Variants in ENOX1 observed in about 807,000 individuals in gnomAD.
ENOX1 encodes the protein ecto-NOX disulfide-thiol exchanger 1.
ENOX1 carries 42 observed loss-of-function variants against 82.5 expected under a neutral mutation model. The observed-to-expected ratio is 0.51, with a 90% CI of 0.40 to 0.66. ENOX1 has a LOEUF of 0.66. Among genes scored for constraint, ENOX1 ranks in the 30% least tolerant of loss-of-function variants. ENOX1 has a pLI of 0.00. For missense variants in ENOX1, 608 were observed against 811.6 expected, an observed-to-expected ratio of 0.75 and a Z score of 3.05; for synonymous variants, 271 against 282.2, an observed-to-expected ratio of 0.96 and a Z score of 0.40.
At chr13:43,616,800 T>C (rs763513342) in intron 2 of ENOX1, among the ~76,000 whole-genome samples, 6 of 152,120 alleles carry the variant, frequency 3.9e-5, no homozygotes, top group Non-Finnish European at 8.8e-5. Flanking sequence ...GGTGGGGAGG[T>C]ACTAGAGGAA....
intron 2 of ENOX1, among the ~76,000 whole-genome samples, chr13:43,508,874 T>C (rs181421467): frequency 8.5e-5 from 13 of 152,128 alleles, no homozygotes; most frequent in African/African-American, 2.4e-4. Flanking sequence ...TCCAGGACTA[T>C]AGTTTTTCAT....
chr13:43,253,699 G>A (rs146639065), intron 14 of ENOX1, among the ~76,000 whole-genome samples: 5 of 152,296 alleles, frequency 3.3e-5, no homozygotes, highest in Admixed American at 2.6e-4. Flanking sequence ...CTAAGAGGAA[G>A]GGGAGTTCAC....
intron 1 of ENOX1, among the ~76,000 whole-genome samples, chr13:43,685,889 C>A (rs892460296): frequency 6.6e-6 from 1 of 151,464 alleles, no homozygotes; most frequent in Non-Finnish European, 1.5e-5. Flanking sequence ...CACACACACA[C>A]ACACACACAC....
intron 1 of ENOX1, among the ~76,000 whole-genome samples, chr13:43,687,756 A>C (rs900639377): frequency 9.9e-5 from 15 of 152,118 alleles, no homozygotes; most frequent in Non-Finnish European, 1.9e-4. Flanking sequence ...CAGTGGGAGA[A>C]AGAGAGATAA....
intron 2 of ENOX1, among the ~76,000 whole-genome samples, chr13:43,503,065 A>G (rs2077037906): frequency 1.3e-5 from 2 of 151,658 alleles, no homozygotes; most frequent in South Asian, 2.1e-4. Flanking sequence ...CTGTTTCTAT[A>G]CATAAACAAT....
chr13:43,256,313 C>T (rs771532021), intron 14 of ENOX1, among the ~76,000 whole-genome samples: 2 of 152,066 alleles, frequency 1.3e-5, no homozygotes, highest in Non-Finnish European at 2.9e-5. Context: ...GGAATTACAT[C>T]AAGCTAAAAA....
chr13:43,652,488 C>G (rs937131605), intron 2 of ENOX1, among the ~76,000 whole-genome samples: 2 of 152,146 alleles, frequency 1.3e-5, no homozygotes, highest in African/African-American at 4.8e-5. Context: ...TGCTCTGGAC[C>G]ACTTAAAGAG....
At chr13:43,674,867 TC>T (rs2085434392) in intron 1 of ENOX1, among the ~76,000 whole-genome samples, 1 of 152,120 alleles carries the variant, frequency 6.6e-6, no homozygotes, top group African/African-American at 2.4e-5. Context: ...CTCTGTACAT[TC>T]CACTGAATTT....
At chr13:43,425,077 C>A (rs2055209937) in intron 3 of ENOX1, among the ~76,000 whole-genome samples, 1 of 152,064 alleles carries the variant, frequency 6.6e-6, no homozygotes, top group Admixed American at 6.5e-5. Context: ...AGGCTAGAGG[C>A]AGATTAGGGG....
At chr13:43,219,973 G>C (rs932913538) in intron 16 of ENOX1, among the ~76,000 whole-genome samples, 1 of 152,202 alleles carries the variant, frequency 6.6e-6, no homozygotes, top group Non-Finnish European at 1.5e-5. Context: ...TTTAAATCTT[G>C]TTCATTCTTC....
intron 1 of ENOX1, among the ~76,000 whole-genome samples, chr13:43,678,583 A>G (rs1238902518): frequency 6.6e-6 from 1 of 152,184 alleles, no homozygotes; most frequent in Non-Finnish European, 1.5e-5. Context: ...CCAGTCCTGG[A>G]CTTTAGAATT....
At chr13:43,333,963 T>A (rs17064399) in intron 9 of ENOX1, among the ~76,000 whole-genome samples, 36,132 of 152,234 alleles carry the variant, frequency 0.24, 5,181 homozygotes, top group African/African-American at 0.4. Context: ...CTTACTGGGC[T>A]AGGCACTATG....
chr13:43,261,965 T>C (rs1449368048), intron 14 of ENOX1, among the ~76,000 whole-genome samples: 1 of 151,578 alleles, frequency 6.6e-6, no homozygotes, highest in Non-Finnish European at 1.5e-5. Context: ...AATGTGCACA[T>C]GTACCCTAAA....
At chr13:43,284,771 G>GGTGTGT (rs72187459) in intron 12 of ENOX1, among the ~76,000 whole-genome samples, 58 of 143,776 alleles carry the variant, frequency 4.0e-4, no homozygotes, top group African/African-American at 1.1e-3. Flanking sequence ...ATTTGTTAAA[G>GGTGTGT]GTGTGTGTGT....
chr13:43,581,843 G>C (rs1219712301), intron 2 of ENOX1, among the ~76,000 whole-genome samples: 3 of 151,924 alleles, frequency 2.0e-5, no homozygotes, highest in African/African-American at 7.3e-5. Flanking sequence ...ATTAATAGCA[G>C]GAATTATTTA....
In ENOX1 at chr13:43,228,726, G is replaced by A. The variant is rs552025555; in HGVS notation, c.1715-4588C>T. 9.2e-5 allele frequency among the ~76,000 whole-genome samples: 14 copies of A among 152,344 alleles called. No individual in the cohort carries two copies. In the South Asian group the frequency reaches 2.9e-3, roughly 32 times the overall value. Reference sequence around the variant, plus strand: ...TTGAAACACTTAGCAGCCAGGAGGTGGCAAGGTGCTAGAGGCACAGCATTG... The same window carrying A: ...TTGAAACACTTAGCAGCCAGGAGGTAGCAAGGTGCTAGAGGCACAGCATTG... On this transcript the variant is annotated intron_variant, in intron 15 of 16. Transcript: ENST00000690772.
chr13:43,585,187 G>C (rs1175628570), intron 2 of ENOX1, among the ~76,000 whole-genome samples: 1 of 152,146 alleles, frequency 6.6e-6, no homozygotes, highest in Non-Finnish European at 1.5e-5. Flanking sequence ...AGAAAGACTT[G>C]ACTGGCAATT....
chr13:43,389,632 G>A (rs1297652903), intron 5 of ENOX1, among the ~76,000 whole-genome samples: 2 of 152,094 alleles, frequency 1.3e-5, no homozygotes, highest in Non-Finnish European at 2.9e-5. Context: ...AGAAAAGGAA[G>A]AAAGAAAGAT....
At chr13:43,753,268 A>G (rs904793423) in intron 1 of ENOX1, among the ~76,000 whole-genome samples, 2 of 152,220 alleles carry the variant, frequency 1.3e-5, no homozygotes, top group Non-Finnish European at 2.9e-5. Context: ...AAAAAATGAC[A>G]TCATAACAAT....
Sources: allele counts gnomAD v4.1 joint callset (sites outside exome capture counted in the v4.1 genomes callset), GRCh38; gene constraint gnomAD v4.1.1; transcripts MANE v1.5; gene names NCBI Gene and HGNC (gene_info 2026-07-23, HGNC 2026-07-21).